The following EEF2 variants were observed in gnomAD, a reference collection of about 807,000 sequenced individuals.
EEF2 encodes eukaryotic translation elongation factor 2.
Under a neutral mutation model 85.3 loss-of-function variants are expected in EEF2, and 21 were observed. That is an observed-to-expected ratio of 0.25 (90% CI 0.17 to 0.35). EEF2 has a LOEUF of 0.35. Among genes scored for constraint, EEF2 ranks in the 10% least tolerant of loss-of-function variants. The pLI, the probability that EEF2 is intolerant of heterozygous loss-of-function variation, is 1.00. For missense variants in EEF2, 825 were observed against 1,225.3 expected, an observed-to-expected ratio of 0.67 and a Z score of 4.88; for synonymous variants, 723 against 508.8, an observed-to-expected ratio of 1.42 and a Z score of -5.67.
At chr19:3,981,561 G>T in intron 6 of EEF2, 109 bp from the exon 7 acceptor site, 1 of 1,019,960 alleles carries the variant, frequency 9.8e-7, no homozygotes, top group Non-Finnish European at 1.5e-6. Flanking sequence ...ACGCAGCACG[G>T]GAGCAGGAGC....
In EEF2 at chr19:3,977,791, G is replaced by A. The variant is rs760652829; in HGVS notation, c.2067+28C>T. The A allele has an allele frequency of 9.0e-6, 14 of 1,553,034 alleles. No homozygotes were observed. Among genetic ancestry groups the A allele is most frequent in the Non-Finnish European group, 1.2e-5 (14 of 1,145,226 alleles). The stretch of plus-strand genomic sequence containing the variant: ...CCCTCTAGAGCCTGGAAACGGGTGT[G>A]GTCTGCACATGCTGAGCCGTGCCTC... On this transcript the variant is annotated intron_variant, in intron 12 of 14. Transcript: ENST00000309311. The surrounding 1 kb of genome is among the most constrained non-coding windows in gnomAD (Gnocchi z 5.4).
chr19:3,979,227 GA>G, intron 11 of EEF2, 101 bp downstream of exon 11: 1 of 866,532 alleles, frequency 1.2e-6, no homozygotes. Context: ...CCAAGACCGA[GA>G]TCAAGTCTAG....
intron 1 of EEF2, 81 bp downstream of exon 1, chr19:3,985,297 C>G (rs1256013649): frequency 9.8e-6 from 13 of 1,322,912 alleles, no homozygotes; most frequent in Non-Finnish European, 1.3e-5. Flanking sequence ...ACGGGGGGCC[C>G]CAGCGTCCCA....
chr19:3,984,456 T>G, intron 1 of EEF2, 106 bp from the exon 2 acceptor site: 1 of 1,291,304 alleles, frequency 7.7e-7, no homozygotes, highest in Non-Finnish European at 1.1e-6. Flanking sequence ...CAGGAGGGGG[T>G]TGGTGCTGGG....
Position 3,976,599 on chromosome 19 carries a change from C to T in EEF2, c.2532G>A (p.Leu844=). 1 of 1,610,708 alleles carries T rather than the reference C, an allele frequency of 6.2e-7. No individual in the cohort carries two copies. The highest frequency in any genetic ancestry group is 8.5e-7 in the Non-Finnish European group (1 of 1,178,710). The part of the protein sequence containing the change: ...VVAETRKRKG[L]KEGIPALDNF... ...TGTCCAGGGCAGGGATGCCTTCTTT[C>T]AGGCCCTTGCGCTTGCGGGTCTCCG... The change falls in exon 15 of 15, where the codon CTG becomes CTA. Residue 844 remains leucine, a synonymous_variant. Transcript: ENST00000309311.
Position 3,981,117 on chromosome 19 carries a change from G to A in EEF2, c.1012-138C>T, listed in dbSNP as rs551467498. Reference sequence around the variant, plus strand: ...CAAAGCACAGTCCCTTCTGGAAGGCGGCAAAGGCCATGCACACTCCTGCCA... The same window carrying A: ...CAAAGCACAGTCCCTTCTGGAAGGCAGCAAAGGCCATGCACACTCCTGCCA... On this transcript the variant is annotated intron_variant, in intron 7 of 14. Coordinates refer to ENST00000309311, the MANE Select transcript of EEF2 (RefSeq NM_001961.4). 119 of 1,388,236 alleles carry A rather than the reference G, an allele frequency of 8.6e-5. 1 individual carries two copies. Among genetic ancestry groups the A allele is most frequent in the Non-Finnish European group, 1.0e-4 (104 of 1,044,758 alleles). The allele number at this position is 1,388,236 out of a possible 1,614,324, so 86.0% of individuals were successfully genotyped here. A position where few individuals can be genotyped will look rare whatever the true frequency, so the allele number is the denominator to read the frequency against.
chr19:3,979,745 A>T, intron 10 of EEF2, 63 bp downstream of exon 10: 1 of 1,572,596 alleles, frequency 6.4e-7, no homozygotes, highest in Non-Finnish European at 8.6e-7. Flanking sequence ...CACAGCCACA[A>T]CTCAGGACAC....
chr19:3,978,792 G>A (rs919312612), intron 11 of EEF2, among the ~76,000 whole-genome samples: 1 of 81,090 alleles, frequency 1.2e-5, no homozygotes, highest in Admixed American at 2.0e-4. Flanking sequence ...AACAGAGCAA[G>A]ACTCTTGTCT....
chr19:3,981,808 T>C (rs778005454), intron 6 of EEF2, 139 bp downstream of exon 6: 42 of 775,072 alleles, frequency 5.4e-5, no homozygotes, highest in Non-Finnish European at 8.8e-5. Context: ...CCACCTCAGT[T>C]AGGAGCTGTG....
Position 3,977,955 on chromosome 19 carries a change from G to A in EEF2, c.1931C>T (p.Ala644Val), listed in dbSNP as rs200589086. 8.1e-6 allele frequency: 13 copies of A among 1,613,342 alleles called. No homozygotes were observed. Among genetic ancestry groups the A allele is most frequent in the Non-Finnish European group, 1.0e-5 (12 of 1,179,982 alleles). ...YLAEKYEWDV[A>V]EARKIWCFGP... ...AAAGCACCAGATCTTGCGGGCCTCA[G>A]CCACGTCCCACTCGTACTTCTCGGC... is the stretch of plus-strand genomic sequence containing the variant. Residue 644 changes from alanine (A) to valine (V), a missense_variant, in exon 12 of 15, where the codon GCT (alanine) becomes GTT (valine). Coordinates refer to ENST00000309311, the MANE Select transcript of EEF2 (RefSeq NM_001961.4). This position sits in a 1 kb window ranked among gnomAD's most constrained non-coding sequence, Gnocchi z 5.4.
At chr19:3,981,494 A>G in intron 6 of EEF2, 42 bp from the exon 7 acceptor site, 1 of 1,569,004 alleles carries the variant, frequency 6.4e-7, no homozygotes, top group South Asian at 1.1e-5. Flanking sequence ...ATTTGGGAAC[A>G]GCAGGAGGAA....
intron 11 of EEF2, among the ~76,000 whole-genome samples, chr19:3,978,548 G>GT (rs1369858652): frequency 6.6e-6 from 1 of 152,186 alleles, no homozygotes; most frequent in African/African-American, 2.4e-5. Context: ...GCTCACGCCT[G>GT]TAATCCCAGC....
At position 3,980,612 on chromosome 19, in the gene EEF2, G is replaced by A. The variant is rs765443462; in HGVS notation, c.1248C>T (p.Val416=). The A allele has an allele frequency of 8.7e-6, 14 of 1,614,122 alleles. No individual in the cohort carries two copies. In the South Asian group the frequency reaches 9.9e-5, roughly 11 times the overall value. The change falls in exon 9 of 15, where the codon GTC becomes GTT. Residue 416 remains valine, a synonymous_variant. Transcript: ENST00000309311. ...GGCCAGTGGAGACCAGCCCCGAGAA[G>A]ACTCGTCCAAAGGCGTAGAACCGAC... The part of the protein sequence containing the change: ...DKGRFYAFGR[V]FSGLVSTGLK...
At chr19:3,983,354 A>AT in intron 2 of EEF2, 63 bp from the exon 3 acceptor site, 1 of 1,541,868 alleles carries the variant, frequency 6.5e-7, no homozygotes. Flanking sequence ...GGAGTCTGGG[A>AT]TGCTGTCAGA....
intron 8 of EEF2, 39 bp downstream of exon 8, chr19:3,980,801 TC>T: frequency 6.3e-7 from 1 of 1,585,008 alleles, no homozygotes; most frequent in Non-Finnish European, 8.6e-7. Flanking sequence ...CAGGAAGTCA[TC>T]CGGCTGCATC....
In EEF2 at chr19:3,979,333, A is replaced by T. The variant is rs2039716235; in HGVS notation, c.1709T>A (p.Ile570Asn). 1 of 1,613,664 alleles carries T rather than the reference A, an allele frequency of 6.2e-7. No individual in the cohort carries two copies. The highest frequency in any genetic ancestry group is 1.3e-5 in the African/African-American group (1 of 74,896). The change falls in exon 11 of 15, where the codon ATC becomes AAC. Residue 570 changes from isoleucine to asparagine, a missense_variant. By Grantham distance (149) the Ile-to-Asn change is moderately radical. Coordinates refer to ENST00000309311, the MANE Select transcript of EEF2 (RefSeq NM_001961.4). The part of the protein sequence containing the change: ...DLEEDHACIP[I>N]KKSDPVVSYR... ...GGCTGGTCACTGGCGCCTCACCTTGATGGGGATGCAGGCGTGGTCCTCCTC... is the reference window on the plus strand; with the variant it reads ...GGCTGGTCACTGGCGCCTCACCTTGTTGGGGATGCAGGCGTGGTCCTCCTC...
At position 3,980,699 on chromosome 19, in the gene EEF2, G is replaced by T; in HGVS notation, c.1161C>A (p.Ser387Arg). 1 of 1,613,342 alleles carries T rather than the reference G, an allele frequency of 6.2e-7. No homozygotes were observed. The highest frequency in any genetic ancestry group is 8.5e-7 in the Non-Finnish European group (1 of 1,179,364). The change falls in exon 9 of 15, where the codon AGC becomes AGA. Residue 387 changes from serine (S) to arginine (R), a missense_variant. Transcript: ENST00000309311. ...PDDEAAMGIK[S>R]CDPKGPLMMY... ...TCATAAGAGGGCCTTTGGGGTCACA[G>T]CTTTTAATGCCTGAGGGACAGAGAA...
chr19:3,978,469 T>A (rs1445830085), intron 11 of EEF2, among the ~76,000 whole-genome samples: 1 of 152,078 alleles, frequency 6.6e-6, no homozygotes, highest in African/African-American at 2.4e-5. Flanking sequence ...CTCCAGAGCA[T>A]TTGTGTTGTT....
intron 1 of EEF2, chr19:3,985,116 C>T: frequency 5.1e-6 from 2 of 395,188 alleles, no homozygotes; most frequent in Non-Finnish European, 9.0e-6. Flanking sequence ...CATCATCATT[C>T]CCCACCCCCA....
Sources: allele counts gnomAD v4.1 joint callset (sites outside exome capture counted in the v4.1 genomes callset), GRCh38; gene constraint gnomAD v4.1.1; non-coding constraint Gnocchi (gnomAD v3.1); transcripts MANE v1.5; gene names NCBI Gene and HGNC (gene_info 2026-07-23, HGNC 2026-07-21).